DCT: variants seen among roughly 807,000 people sequenced by gnomAD.
DCT encodes the protein L-dopachrome tautomerase.
DCT carries 47 observed loss-of-function variants against 53.0 expected under a neutral mutation model. The observed-to-expected ratio is 0.89, with a 90% CI of 0.70 to 1.13. The LOEUF (loss-of-function observed/expected upper bound fraction) is 1.13. Among genes scored for constraint, DCT ranks in the 50% most tolerant of loss-of-function variants. The pLI is 0.00. For missense variants in DCT, 669 were observed against 637.4 expected (o/e 1.05, Z -0.53); for synonymous variants, 244 against 237.0 (o/e 1.03, Z -0.27).
chr13:94,481,137 T>C (rs2139387548), upstream of DCT, among the ~76,000 whole-genome samples: 1 of 152,304 alleles, frequency 6.6e-6, no homozygotes, highest in South Asian at 2.1e-4. Flanking sequence ...TCTGTCTGTG[T>C]TTTTCCTCCA....
At chr13:94,443,146 G>A (rs2139275426) in intron 7 of DCT, among the ~76,000 whole-genome samples, 1 of 152,288 alleles carries the variant, frequency 6.6e-6, no homozygotes, top group Non-Finnish European at 1.5e-5. Flanking sequence ...TAAACTCAGA[G>A]AGAATTGTCA....
Position 94,463,109 on chromosome 13 carries a change from TA to T in DCT, c.864-921del, listed in dbSNP as rs1883928274. ...TATGGCCTGGATTCCAACATCAGAA[TA>T]GTATTTCTTTCTTTCTTTTTATTTA... is the stretch of plus-strand genomic sequence containing the variant. On this transcript the variant is annotated intron_variant, in intron 4 of 7. Coordinates refer to ENST00000377028, the MANE Select transcript of DCT (RefSeq NM_001922.5). Among the ~76,000 whole-genome samples, 4 of 152,026 alleles carry T rather than the reference TA, an allele frequency of 2.6e-5. 1 individual carries two copies. The highest frequency in any genetic ancestry group is 9.7e-5 in the African/African-American group (4 of 41,404).
At chr13:94,519,025 C>T in the DCT span, among the ~76,000 whole-genome samples, 1 of 152,122 alleles carries the variant, frequency 6.6e-6, no homozygotes, top group African/African-American at 2.4e-5. Context: ...CTTGCCCCAC[C>T]CACCATTGCC....
chr13:94,538,482 G>A, the DCT span, among the ~76,000 whole-genome samples: 1 of 151,980 alleles, frequency 6.6e-6, no homozygotes, highest in African/African-American at 2.4e-5. Context: ...CCAATACCTT[G>A]GTATTAGCCT....
intron 1 of DCT, among the ~76,000 whole-genome samples, chr13:94,472,722 C>A (rs1884829896): frequency 6.6e-6 from 1 of 150,796 alleles, no homozygotes; most frequent in Admixed American, 6.6e-5. Flanking sequence ...GCTGGGATTA[C>A]AGGTGCACAC....
At chr13:94,459,868 C>A (rs1883664899) in intron 6 of DCT, among the ~76,000 whole-genome samples, 1 of 152,178 alleles carries the variant, frequency 6.6e-6, no homozygotes, top group African/African-American at 2.4e-5. Context: ...AAACTCTTGT[C>A]TAAGATCACC....
intron 6 of DCT, chr13:94,445,870 C>A: frequency 2.8e-6 from 2 of 713,756 alleles, no homozygotes; most frequent in Non-Finnish European, 4.7e-6. Context: ...TTCCTGGAGG[C>A]AGGGGAGAAA....
chr13:94,522,829 G>A, the DCT span, among the ~76,000 whole-genome samples: 1 of 152,166 alleles, frequency 6.6e-6, no homozygotes, highest in Non-Finnish European at 1.5e-5. Flanking sequence ...TAGCCATATA[G>A]TTACTGGCAC....
chr13:94,473,483 C>T (rs1884882349), intron 1 of DCT, among the ~76,000 whole-genome samples: 1 of 152,150 alleles, frequency 6.6e-6, no homozygotes, highest in Non-Finnish European at 1.5e-5. Flanking sequence ...CATCATAAGT[C>T]AGGGAGCATC....
chr13:94,466,640 C>G lies in DCT; in HGVS notation c.614G>C (p.Arg205Thr). The change falls in exon 3 of 8, where the codon AGG becomes ACG. Residue 205 changes from arginine to threonine, a missense_variant. Arg to Thr is a moderately conservative substitution (Grantham distance 71). Coordinates refer to ENST00000377028, the MANE Select transcript of DCT (RefSeq NM_001922.5). ...TCCTTGATGTGAGAAATCTATGGCC[C>G]TGTAGGGGCGTCCTGGTCCTGAAAC... ...DTLLGPGRPY[R>T]AIDFSHQGPA... The G allele has an allele frequency of 6.2e-7, 1 of 1,607,050 alleles. No individual in the cohort carries two copies. Among genetic ancestry groups the G allele is most frequent in the Non-Finnish European group, 8.5e-7 (1 of 1,177,144 alleles).
At position 94,457,504 on chromosome 13, in the gene DCT, A is replaced by T. The variant is rs150990575; in HGVS notation, c.1179+2587T>A. 1.8e-3 allele frequency among the ~76,000 whole-genome samples: 270 copies of T among 152,320 alleles called. 1 individual carries two copies. Among genetic ancestry groups the T allele is most frequent in the Admixed American group, 0.013 (199 of 15,296 alleles). ...GTGGGATATAAATTTCTGTTGTTTA[A>T]GCCATCCAATCTGTGGTCTTTCATT... On this transcript the variant is annotated intron_variant, in intron 6 of 7. Transcript: ENST00000377028.
Position 94,439,974 on chromosome 13 carries a change from T to C in DCT, c.1484A>G (p.Tyr495Cys). 6.2e-7 allele frequency: 1 copy of C among 1,614,014 alleles called. No homozygotes were observed. The highest frequency in any genetic ancestry group is 8.5e-7 in the Non-Finnish European group (1 of 1,179,900). The change falls in exon 8 of 8, where the codon TAT (tyrosine) becomes TGT (cysteine). Residue 495 changes from tyrosine (Y) to cysteine (C), a missense_variant. Tyr to Cys is a radical substitution (Grantham distance 194). Transcript: ENST00000377028. Reference sequence around the variant, plus strand: ...TGTATATCCTTTTCGAAGTCTTCTATATTGAAGAAAAGCCAACAGCACAAA... The same window carrying C: ...TGTATATCCTTTTCGAAGTCTTCTACATTGAAGAAAAGCCAACAGCACAAA... Reference protein sequence around the residue: ...GLFVLLAFLQYRRLRKGYTPL... With the variant: ...GLFVLLAFLQCRRLRKGYTPL...
the DCT span, among the ~76,000 whole-genome samples, chr13:94,507,881 G>A: frequency 2.0e-5 from 3 of 152,312 alleles, no homozygotes; most frequent in South Asian, 4.1e-4. Context: ...ATAGAGTCAA[G>A]AGTCTACATG....
At chr13:94,547,962 CAAAAAAA>C in the DCT span, among the ~76,000 whole-genome samples, 2 of 67,936 alleles carry the variant, frequency 2.9e-5, no homozygotes, top group Admixed American at 3.3e-4. Context: ...AACTCCGTCT[CAAAAAAA>C]AAAAAAAAAA....
chr13:94,449,462 T>C (rs1215382915), intron 6 of DCT, among the ~76,000 whole-genome samples: 3 of 152,200 alleles, frequency 2.0e-5, no homozygotes, highest in Non-Finnish European at 4.4e-5. Flanking sequence ...TGAGTTCATG[T>C]GTTACTGCCC....
At chr13:94,463,740 A>T (rs1219159430) in intron 4 of DCT, among the ~76,000 whole-genome samples, 1 of 152,146 alleles carries the variant, frequency 6.6e-6, no homozygotes, top group African/African-American at 2.4e-5. Context: ...TAAAGATGTT[A>T]TTGTGAGGGT....
chr13:94,530,784 G>A, the DCT span, among the ~76,000 whole-genome samples: 1 of 152,050 alleles, frequency 6.6e-6, no homozygotes, highest in Non-Finnish European at 1.5e-5. Flanking sequence ...TGGAAGTTCT[G>A]GCCAGGGCAA....
In DCT at chr13:94,450,581, C is replaced by CA. The variant is rs147164185; in HGVS notation, c.1180-6945dup. On this transcript the variant is annotated intron_variant, in intron 6 of 7. Transcript: ENST00000377028. The stretch of plus-strand genomic sequence containing the variant: ...TATACAAGCTCTAACAGCACACATA[C>CA]AAAAAAAAATCGAGAGAATTAGAAA... Among the ~76,000 whole-genome samples the CA allele has an allele frequency of 1.7e-4, 26 of 150,826 alleles. No homozygotes were observed. The Middle Eastern group carries it at 0.01, about 60-fold the overall frequency.
the DCT span, among the ~76,000 whole-genome samples, chr13:94,534,814 G>A: frequency 9.8e-5 from 15 of 152,346 alleles, no homozygotes; most frequent in Non-Finnish European, 2.1e-4. Context: ...AATGCAGGAG[G>A]AAAATTTGAA....
Sources: gnomAD v4.1 joint callset for allele counts (sites outside exome capture counted in the v4.1 genomes callset) on GRCh38, gnomAD v4.1.1 for gene constraint, MANE v1.5 for transcripts, NCBI Gene and HGNC (gene_info 2026-07-23, HGNC 2026-07-21) for gene names.